The following DHX35 variants were observed in gnomAD, a reference collection of about 807,000 sequenced individuals.
The protein encoded by DHX35 is DEAH-box helicase 35.
In DHX35, 84 loss-of-function variants were observed where a neutral mutation model predicts 99.6. The observed-to-expected ratio is 0.84, with a 90% CI of 0.71 to 1.01. The LOEUF (loss-of-function observed/expected upper bound fraction) is 1.01. Among genes scored for constraint, DHX35 ranks in the 50% least tolerant of loss-of-function variants. The pLI is 0.00. For missense variants in DHX35, 852 were observed against 888.5 expected (o/e 0.96, Z 0.52); for synonymous variants, 331 against 316.2 (o/e 1.05, Z -0.50).
intron 2 of DHX35, among the ~76,000 whole-genome samples, chr20:38,971,824 T>G (rs1476372672): frequency 1.3e-5 from 2 of 152,146 alleles, no homozygotes; most frequent in Admixed American, 6.5e-5. Flanking sequence ...CTACAAATTA[T>G]TCCATTATTG....
At chr20:39,021,974 CTT>C (rs761358157) in intron 16 of DHX35, 39 bp downstream of exon 16, 1 of 1,603,310 alleles carries the variant, frequency 6.2e-7, no homozygotes, top group Non-Finnish European at 8.5e-7. Context: ...GTACCAGTCT[CTT>C]TTGCTTTGAG....
At chr20:38,982,330 T>C (rs1205526252) in intron 3 of DHX35, among the ~76,000 whole-genome samples, 3 of 152,376 alleles carry the variant, frequency 2.0e-5, no homozygotes, top group Admixed American at 2.0e-4. Flanking sequence ...TGTACAGTTC[T>C]TTCTGTCTTT....
At position 38,962,415 on chromosome 20, in the gene DHX35, C is replaced by T. The variant is rs1191270485; in HGVS notation, c.40+8C>T. 6.2e-6 allele frequency: 10 copies of T among 1,612,308 alleles called. No individual in the cohort carries two copies. Among genetic ancestry groups the T allele is most frequent in the East Asian group, 2.2e-5 (1 of 44,774 alleles). ...TGAAGTTCTGGCGACCCGGTAAGGC[C>T]CTTGGTGGAACGCTGGGCAGATGCG... On this transcript the variant is annotated splice_region_variant and intron_variant, in intron 1 of 21. Transcript: ENST00000252011.
intron 9 of DHX35, among the ~76,000 whole-genome samples, 181 bp downstream of exon 9, chr20:39,002,023 G>A (rs2086528698): frequency 6.6e-6 from 1 of 152,222 alleles, no homozygotes; most frequent in South Asian, 2.1e-4. Flanking sequence ...AGTTTAAACT[G>A]TTCACACTGA....
chr20:38,972,004 G>GTTTTTTTTTTTTTTTTTTTTTTTTTTTT (rs752049458), intron 2 of DHX35, among the ~76,000 whole-genome samples: 1 of 81,044 alleles, frequency 1.2e-5, no homozygotes, highest in Non-Finnish European at 2.3e-5. Context: ...GTTTTGTTTT[G>GTTTTTTTTTTTTTTTTTTTTTTTTTTTT]TTTTTTTTTT....
chr20:39,002,952 A>T, intron 10 of DHX35, 84 bp downstream of exon 10: 1 of 1,140,878 alleles, frequency 8.8e-7, no homozygotes, highest in Non-Finnish European at 1.3e-6. Context: ...TTACTCAGTC[A>T]TGTATTTCAT....
chr20:38,988,403 G>A (rs145301457), intron 4 of DHX35, among the ~76,000 whole-genome samples: 1 of 152,170 alleles, frequency 6.6e-6, no homozygotes, highest in African/African-American at 2.4e-5. Context: ...GCTGAGGCGG[G>A]CAAATTGCTT....
At chr20:39,013,909 A>T (rs1343319049) in intron 13 of DHX35, among the ~76,000 whole-genome samples, 1 of 152,200 alleles carries the variant, frequency 6.6e-6, no homozygotes, top group Non-Finnish European at 1.5e-5. Flanking sequence ...TACAACTTTT[A>T]AAAAAGTTTA....
intron 21 of DHX35, 107 bp from the exon 22 acceptor site, chr20:39,038,392 G>A (rs1234767195): frequency 1.6e-6 from 2 of 1,242,372 alleles, no homozygotes; most frequent in Non-Finnish European, 2.3e-6. Flanking sequence ...CTGGGAAGGT[G>A]TGGACCAGAT....
chr20:39,031,288 G>T (rs977946085), intron 20 of DHX35, among the ~76,000 whole-genome samples: 1 of 151,434 alleles, frequency 6.6e-6, no homozygotes, highest in Admixed American at 6.6e-5. Flanking sequence ...AGCCCTGCAT[G>T]AGGCACAGCT....
At chr20:39,021,799 C>T (rs182661939) in intron 15 of DHX35, 42 bp from the exon 16 acceptor site, 1 of 1,582,870 alleles carries the variant, frequency 6.3e-7, no homozygotes, top group Non-Finnish European at 8.7e-7. Context: ...TTCTTGTTGG[C>T]ACATTATATG....
intron 16 of DHX35, among the ~76,000 whole-genome samples, chr20:39,023,000 T>G (rs2086897319): frequency 6.6e-6 from 1 of 152,202 alleles, no homozygotes; most frequent in Non-Finnish European, 1.5e-5. Flanking sequence ...GGATCCTCCT[T>G]GTCAGTTGTA....
At chr20:39,033,699 T>G (rs913791308) in intron 20 of DHX35, among the ~76,000 whole-genome samples, 1 of 152,210 alleles carries the variant, frequency 6.6e-6, no homozygotes, top group African/African-American at 2.4e-5. Context: ...CTTAGAAACA[T>G]TTTTTCCCTT....
At chr20:38,978,503 C>G (rs6028233) in intron 3 of DHX35, 1 of 442,630 alleles carries the variant, frequency 2.3e-6, no homozygotes, top group South Asian at 2.7e-5. Context: ...CTGTGCAGGG[C>G]GGAATCACAC....
intron 18 of DHX35, among the ~76,000 whole-genome samples, chr20:39,027,024 G>A (rs1400631319): frequency 6.6e-6 from 1 of 152,184 alleles, no homozygotes; most frequent in Non-Finnish European, 1.5e-5. Flanking sequence ...TGTAGGGTAG[G>A]ATTGAGCTTT....
Position 39,012,369 on chromosome 20 carries a change from AAG to A in DHX35, c.1347+1968_1347+1969del, listed in dbSNP as rs1228821212. ...ACAGATCAGTATCTCAAAAAATATG[AAG>A]AGTTTTTATATGCACATCATTTACA... On this transcript the variant is annotated intron_variant, in intron 13 of 21. Transcript: ENST00000252011. Among the ~76,000 whole-genome samples, 3 of 152,322 alleles carry A rather than the reference AAG, an allele frequency of 2.0e-5. No individual in the cohort carries two copies. The East Asian group carries it at 5.8e-4, about 29-fold the overall frequency.
Position 39,010,286 on chromosome 20 carries a change from C to A in DHX35, c.1229C>A (p.Ala410Asp), listed in dbSNP as rs776838951. The A allele has an allele frequency of 6.2e-7, 1 of 1,614,082 alleles. No homozygotes were observed. Among genetic ancestry groups the A allele is most frequent in the Non-Finnish European group, 8.5e-7 (1 of 1,179,990 alleles). The change falls in exon 13 of 22, where the codon GCC becomes GAC. Residue 410 changes from alanine (A) to aspartate (D), a missense_variant. Coordinates refer to ENST00000252011, the MANE Select transcript of DHX35 (RefSeq NM_021931.4). ...GKCYRLYTEEAFDKLPQSTVP... is the reference protein window; with the variant it reads ...GKCYRLYTEEDFDKLPQSTVP... ...TCTGATTTCCTATCCTCAGAGGAAGCCTTTGACAAGTTGCCTCAGTCTACG... is the reference window on the plus strand; with the variant it reads ...TCTGATTTCCTATCCTCAGAGGAAGACTTTGACAAGTTGCCTCAGTCTACG...
chr20:38,971,655 A>G (rs2085998702), intron 2 of DHX35, among the ~76,000 whole-genome samples: 1 of 152,186 alleles, frequency 6.6e-6, no homozygotes, highest in East Asian at 1.9e-4. Flanking sequence ...TTTTTCCCCA[A>G]AAACAGTCTA....
intron 14 of DHX35, among the ~76,000 whole-genome samples, chr20:39,016,990 T>C (rs2086795707): frequency 6.6e-6 from 1 of 152,042 alleles, no homozygotes; most frequent in Non-Finnish European, 1.5e-5. Flanking sequence ...TTTACTTACA[T>C]GTACTTACTT....
Sources: allele counts gnomAD v4.1 joint callset (sites outside exome capture counted in the v4.1 genomes callset), GRCh38; gene constraint gnomAD v4.1.1; transcripts MANE v1.5; gene names NCBI Gene and HGNC (gene_info 2026-07-23, HGNC 2026-07-21).